RBFOX1: variants seen among roughly 807,000 people sequenced by gnomAD.
The protein encoded by RBFOX1 is RNA binding protein fox-1 homolog 1.
In RBFOX1, 8 loss-of-function variants were observed where a neutral mutation model predicts 57.7. The ratio of observed to expected loss-of-function variants is 0.14; its 90% CI spans 0.08 to 0.25. The LOEUF is 0.25. Among genes scored for constraint, RBFOX1 ranks in the 10% least tolerant of loss-of-function variants. RBFOX1 has a pLI of 1.00. For synonymous variants in RBFOX1, 326 were observed against 222.4 expected, an observed-to-expected ratio of 1.47 and a Z score of -4.15; for missense variants, 611 against 548.5, an observed-to-expected ratio of 1.11 and a Z score of -1.14.
At chr16:6,834,394 T>A (rs1317110408) in intron 3 of RBFOX1, among the ~76,000 whole-genome samples, 1 of 152,090 alleles carries the variant, frequency 6.6e-6, no homozygotes, top group Non-Finnish European at 1.5e-5. Context: ...AAAAAATATT[T>A]TAATAAGATC....
chr16:6,737,736 A>G (rs915121134), intron 3 of RBFOX1, among the ~76,000 whole-genome samples: 1 of 152,178 alleles, frequency 6.6e-6, no homozygotes, highest in Non-Finnish European at 1.5e-5. Context: ...TACACAAATG[A>G]TATATGGGAT....
intron 3 of RBFOX1, among the ~76,000 whole-genome samples, chr16:5,766,282 A>G (rs1373309578): frequency 6.6e-6 from 1 of 152,172 alleles, no homozygotes; most frequent in African/African-American, 2.4e-5. Context: ...AGGAGGTATC[A>G]TGCACTTTAA....
chr16:5,345,549 C>G (rs576061345), intron 1 of RBFOX1, among the ~76,000 whole-genome samples: 3 of 152,340 alleles, frequency 2.0e-5, no homozygotes, highest in Non-Finnish European at 4.4e-5. Flanking sequence ...ACATTTGGCT[C>G]CTTACCTCCC....
chr16:6,698,754 G>C (rs1568265036), intron 3 of RBFOX1, among the ~76,000 whole-genome samples: 1 of 152,114 alleles, frequency 6.6e-6, no homozygotes, highest in Non-Finnish European at 1.5e-5. Flanking sequence ...GTTCTGCCCT[G>C]TTTTCCTCCC....
chr16:6,250,744 C>T (rs1200999080), intron 1 of RBFOX1, among the ~76,000 whole-genome samples: 1 of 152,118 alleles, frequency 6.6e-6, no homozygotes, highest in Non-Finnish European at 1.5e-5. Context: ...GGGCACTTCC[C>T]AGCTTGAATC....
intron 3 of RBFOX1, among the ~76,000 whole-genome samples, chr16:7,006,479 G>A (rs2093306631): frequency 6.6e-6 from 1 of 151,994 alleles, no homozygotes; most frequent in African/African-American, 2.4e-5. Flanking sequence ...GTAGAGACAG[G>A]GTGTCTATTG....
At chr16:6,171,196 A>G (rs1400932849) in intron 1 of RBFOX1, among the ~76,000 whole-genome samples, 5 of 152,160 alleles carry the variant, frequency 3.3e-5, no homozygotes, top group Non-Finnish European at 7.3e-5. Context: ...TTGTCTATAT[A>G]TGCAGGTATA....
intron 2 of RBFOX1, among the ~76,000 whole-genome samples, chr16:6,652,711 A>C (rs1432956925): frequency 6.6e-6 from 1 of 152,162 alleles, no homozygotes; most frequent in Non-Finnish European, 1.5e-5. Flanking sequence ...AGTCTAGAGT[A>C]GCAAAATCCA....
At chr16:5,245,585 C>G (rs547837069) in intron 1 of RBFOX1, among the ~76,000 whole-genome samples, 19 of 152,150 alleles carry the variant, frequency 1.2e-4, no homozygotes, top group Non-Finnish European at 2.8e-4. Flanking sequence ...GCTGGAAATG[C>G]AGATGCGCAC....
intron 4 of RBFOX1, among the ~76,000 whole-genome samples, chr16:7,485,481 C>T (rs1284669985): frequency 6.6e-6 from 1 of 152,112 alleles, no homozygotes; most frequent in Non-Finnish European, 1.5e-5. Context: ...CCCACATGTG[C>T]TTTTTTTAGT....
Position 5,426,061 on chromosome 16 carries a change from A to G in RBFOX1, c.220-41155A>G, listed in dbSNP as rs184672019. Among the ~76,000 whole-genome samples the G allele has an allele frequency of 1.2e-3, 184 of 152,262 alleles. 1 individual carries two copies. Among genetic ancestry groups the G allele is most frequent in the African/African-American group, 3.9e-3 (160 of 41,544 alleles). ...GAACCCAAAACACAAAACAGAAACA[A>G]ATGAAATCCTCTGAGTCTCCTTCCA... is the stretch of plus-strand genomic sequence containing the variant. On this transcript the variant is annotated intron_variant, in intron 1 of 2. Transcript: ENST00000585867.
chr16:7,129,100 T>C (rs962601374), intron 4 of RBFOX1, among the ~76,000 whole-genome samples: 1 of 152,154 alleles, frequency 6.6e-6, no homozygotes, highest in Non-Finnish European at 1.5e-5. Context: ...ATTACAGGTG[T>C]GAGCCACGGC....
At chr16:6,010,211 C>T (rs1040906873) in intron 4 of RBFOX1, among the ~76,000 whole-genome samples, 4 of 152,100 alleles carry the variant, frequency 2.6e-5, no homozygotes, top group Non-Finnish European at 4.4e-5. Flanking sequence ...TCTCTTTGGT[C>T]GCTGAATTCT....
At chr16:6,417,450 C>T (rs1187533753) in intron 2 of RBFOX1, among the ~76,000 whole-genome samples, 3 of 126,352 alleles carry the variant, frequency 2.4e-5, no homozygotes, top group African/African-American at 9.0e-5. Context: ...AGTGCAGTGG[C>T]ACTGTGTTGG....
intron 3 of RBFOX1, chr16:6,723,615 A>T (rs1603461659): frequency 1.3e-5 from 2 of 152,252 alleles, no homozygotes; most frequent in East Asian, 3.9e-4. Context: ...GCCCTGTTGT[A>T]TATTGTGATC....
chr16:5,448,612 G>C (rs759086095), intron 1 of RBFOX1, among the ~76,000 whole-genome samples: 2 of 152,190 alleles, frequency 1.3e-5, no homozygotes, highest in Non-Finnish European at 2.9e-5. Flanking sequence ...CTCTGGGGCT[G>C]CAGCGTTTCA....
At chr16:6,656,921 TCCTCTCCTCC>T (rs2098659402) in intron 3 of RBFOX1, among the ~76,000 whole-genome samples, 2 of 131,878 alleles carry the variant, frequency 1.5e-5, no homozygotes, top group African/African-American at 2.9e-5. Flanking sequence ...TCCTCCCCTC[TCCTCTCCTCC>T]CCTCTCCTCC....
chr16:6,457,069 G>C (rs566893055), intron 2 of RBFOX1, among the ~76,000 whole-genome samples: 138 of 152,218 alleles, frequency 9.1e-4, no homozygotes, highest in African/African-American at 3.1e-3. Flanking sequence ...AGTATAAACA[G>C]GTTTTAAGCC....
chr16:7,671,654 G>T, intron 13 of RBFOX1: 1 of 1,483,026 alleles, frequency 6.7e-7, no homozygotes, highest in East Asian at 2.3e-5. Context: ...GGTTTGCTGT[G>T]AAATCCTTAC....
Sources: gnomAD v4.1 joint callset for allele counts (sites outside exome capture counted in the v4.1 genomes callset) on GRCh38, gnomAD v4.1.1 for gene constraint, MANE v1.5 for transcripts, NCBI Gene and HGNC (gene_info 2026-07-23, HGNC 2026-07-21) for gene names.